NOTCH2: variants seen among roughly 807,000 people sequenced by gnomAD.
NOTCH2 encodes the protein notch receptor 2, also known as neurogenic locus notch homolog protein 2.
A neutral mutation model predicts 235.8 loss-of-function variants in NOTCH2; 29 were observed. The ratio of observed to expected loss-of-function variants is 0.12; its 90% CI spans 0.09 to 0.17. NOTCH2 has a LOEUF of 0.17. Among genes scored for constraint, NOTCH2 ranks in the 10% least tolerant of loss-of-function variants. NOTCH2 has a pLI of 1.00. For missense variants in NOTCH2, 2,285 were observed against 3,150.2 expected, an observed-to-expected ratio of 0.73 and a Z score of 6.57; for synonymous variants, 1,086 against 1,141.5, an observed-to-expected ratio of 0.95 and a Z score of 0.98.
intron 5 of NOTCH2, among the ~76,000 whole-genome samples, chr1:119,983,313 C>T (rs1553201882): frequency 6.6e-6 from 1 of 151,792 alleles, no homozygotes; most frequent in Non-Finnish European, 1.5e-5. Flanking sequence ...GCCACCACAC[C>T]CAGCTAATTT....
chr1:119,977,270 C>A (rs1304820334), intron 5 of NOTCH2, among the ~76,000 whole-genome samples: 2 of 152,062 alleles, frequency 1.3e-5, no homozygotes, highest in African/African-American at 2.4e-5. Context: ...TCTGTTCCTA[C>A]CCAAAGTGTC....
At position 119,930,976 on chromosome 1, in the gene NOTCH2, G is replaced by A. The variant is rs587610472; in HGVS notation, c.3656-1764C>T. On this transcript the variant is annotated intron_variant, in intron 22 of 33. Coordinates refer to ENST00000256646, the MANE Select transcript of NOTCH2 (RefSeq NM_024408.4). ...AAATTAGCCAGGCATGGTGGCGGGCGCTTGTAGTCCCAGCTACTCGGGAGG... is the reference window on the plus strand; with the variant it reads ...AAATTAGCCAGGCATGGTGGCGGGCACTTGTAGTCCCAGCTACTCGGGAGG... Among the ~76,000 whole-genome samples the A allele has an allele frequency of 9.9e-5, 15 of 150,784 alleles. 1 individual carries two copies. The highest frequency in any genetic ancestry group is 2.2e-4 in the African/African-American group (9 of 41,040).
chr1:119,920,104 G>T, intron 30 of NOTCH2, 125 bp downstream of exon 30: 1 of 1,009,872 alleles, frequency 9.9e-7, no homozygotes, highest in Non-Finnish European at 1.5e-6. Flanking sequence ...TCATTTCCTC[G>T]AGCTGATTTA....
chr1:120,066,158 T>C (rs4659278), intron 1 of NOTCH2, among the ~76,000 whole-genome samples: 58 of 152,332 alleles, frequency 3.8e-4, no homozygotes, highest in Middle Eastern at 6.8e-3. Flanking sequence ...ATTCTATATC[T>C]CTTACGTTAG....
chr1:120,046,085 A>G (rs1399792881), intron 1 of NOTCH2, among the ~76,000 whole-genome samples: 2 of 149,182 alleles, frequency 1.3e-5, no homozygotes, highest in Non-Finnish European at 1.5e-5. Context: ...TGGGGTATAC[A>G]TTTTTTAAGG....
chr1:120,038,777 A>G (rs587692389), intron 1 of NOTCH2, among the ~76,000 whole-genome samples: 11 of 149,290 alleles, frequency 7.4e-5, no homozygotes, highest in African/African-American at 2.8e-4. Context: ...GCCTTTAACA[A>G]GGATGAAAAG....
At chr1:119,967,705 T>C (rs1332313168) in intron 7 of NOTCH2, 84 bp from the exon 8 acceptor site, 10 of 1,165,930 alleles carry the variant, frequency 8.6e-6, no homozygotes, top group East Asian at 7.0e-5. Context: ...CTGATGGTTA[T>C]AGCATCAGGG....
At position 119,968,066 on chromosome 1, in the gene NOTCH2, T is replaced by C; in HGVS notation, c.1264+11A>G. On this transcript the variant is annotated intron_variant, in intron 7 of 33. Coordinates refer to ENST00000256646, the MANE Select transcript of NOTCH2 (RefSeq NM_024408.4). ...ACACTTCACAGAACAGAAAAAGTTC[T>C]GCTTACTCACCCATGGCACATTCAT... is the stretch of plus-strand genomic sequence containing the variant. 1.9e-6 allele frequency: 3 copies of C among 1,614,028 alleles called. No individual in the cohort carries two copies. The South Asian group carries it at 3.3e-5, about 18-fold the overall frequency.
In NOTCH2 at chr1:119,925,681, C is replaced by T. The variant is rs143784183; in HGVS notation, c.4135G>A (p.Ala1379Thr). ...CCCCCGTGCTGGCAGGGGCTACTGG[C>T]ACAGCCTGACTCGCAGTCCCGGGGA... ...PSPRDCESGC[A>T]SSPCQHGGSC... Residue 1379 changes from alanine to threonine, a missense_variant, in exon 25 of 34, where the codon GCC becomes ACC. By Grantham distance (58) the Ala-to-Thr change is moderately conservative (BLOSUM62 0). Around this residue, in one of 6 missense-constraint regions of NOTCH2, gnomAD observed 1,173 missense variants for 1,515.3 expected, o/e 0.77. Coordinates refer to ENST00000256646, the MANE Select transcript of NOTCH2 (RefSeq NM_024408.4). 2.5e-6 allele frequency: 4 copies of T among 1,612,222 alleles called. No individual in the cohort carries two copies. Among genetic ancestry groups the T allele is most frequent in the Non-Finnish European group, 3.4e-6 (4 of 1,178,722 alleles).
chr1:119,953,944 TTCTACAATA>T (rs1316647042), intron 13 of NOTCH2, among the ~76,000 whole-genome samples: 1 of 152,180 alleles, frequency 6.6e-6, no homozygotes, highest in Non-Finnish European at 1.5e-5. Flanking sequence ...AAACAATGGT[TTCTACAATA>T]TATTGGGCCA....
In NOTCH2 at chr1:119,953,382, T is replaced by C. The variant is rs373150438; in HGVS notation, c.2365+161A>G. Among the ~76,000 whole-genome samples the C allele has an allele frequency of 1.2e-3, 177 of 152,324 alleles. 2 individuals are homozygous for C. Among genetic ancestry groups the C allele is most frequent in the African/African-American group, 4.2e-3 (173 of 41,578 alleles). On this transcript the variant is annotated intron_variant, in intron 14 of 33. Coordinates refer to ENST00000256646, the MANE Select transcript of NOTCH2 (RefSeq NM_024408.4). ...AGGCTGAAGGTAGAAATTGTATCTA[T>C]TCATGTTTTTATTCCCCAAGTGCCT... is the stretch of plus-strand genomic sequence containing the variant.
chr1:119,948,911 T>C (rs1650358546), intron 16 of NOTCH2, 96 bp downstream of exon 16: 3 of 1,492,246 alleles, frequency 2.0e-6, no homozygotes, highest in Admixed American at 1.7e-5. Flanking sequence ...ACAGGCCTCA[T>C]AAGACCAGCA....
intron 22 of NOTCH2, chr1:119,935,256 A>C (rs1178018908): frequency 1.4e-6 from 2 of 1,461,970 alleles, no homozygotes; most frequent in African/African-American, 2.8e-5. Context: ...TCAAGATGCC[A>C]AACAACCAGA....
At chr1:119,963,189 A>AGGAAGGAAGGAC (rs1248773418) in intron 11 of NOTCH2, among the ~76,000 whole-genome samples, 1 of 151,360 alleles carries the variant, frequency 6.6e-6, no homozygotes, top group Non-Finnish European at 1.5e-5. Context: ...GTAGGAAGGA[A>AGGAAGGAAGGAC]GGAAGGAAGG....
At position 119,967,512 on chromosome 1, in the gene NOTCH2, A is replaced by G; in HGVS notation, c.1374T>C (p.Asn458=). 6.2e-7 allele frequency: 1 copy of G among 1,614,132 alleles called. No homozygotes were observed. The change falls in exon 8 of 34, where the codon AAT becomes AAC. Residue 458 remains asparagine, a synonymous_variant. Coordinates refer to ENST00000256646, the MANE Select transcript of NOTCH2 (RefSeq NM_024408.4). ...YAGPRCEMDI[N]ECHSDPCQND... ...TCTGGCAGGGGTCTGAATGGCACTCATTGATGTCCATCTCACAACGAGGTC... is the reference window on the plus strand; with the variant it reads ...TCTGGCAGGGGTCTGAATGGCACTCGTTGATGTCCATCTCACAACGAGGTC...
At chr1:119,961,885 C>T (rs1553199008) in intron 11 of NOTCH2, among the ~76,000 whole-genome samples, 1 of 152,192 alleles carries the variant, frequency 6.6e-6, no homozygotes, top group Non-Finnish European at 1.5e-5. Context: ...ATAAGTGGAA[C>T]AGGAATTCTT....
intron 22 of NOTCH2, among the ~76,000 whole-genome samples, chr1:119,931,212 T>C (rs1471911029): frequency 1.3e-5 from 2 of 150,914 alleles, no homozygotes; most frequent in Non-Finnish European, 3.0e-5. Flanking sequence ...AAATGTAAAG[T>C]AAGGCCCAAT....
intron 26 of NOTCH2, among the ~76,000 whole-genome samples, chr1:119,923,072 C>T (rs977642376): frequency 5.3e-5 from 8 of 152,304 alleles, no homozygotes; most frequent in African/African-American, 1.2e-4. Context: ...GCTTTCCTCC[C>T]GAAGGTTTCA....
rs1553198755 is a variant in NOTCH2, at chr1:119,959,389, T to C, written c.2026+3A>G. 6.5e-7 allele frequency: 1 copy of C among 1,549,046 alleles called. No homozygotes were observed. Among genetic ancestry groups the C allele is most frequent in the Non-Finnish European group, 8.9e-7 (1 of 1,120,642 alleles). ...AGGGGCCTTGCAGTAAAAGGAGCTTTACCTGTGAATCCTGGTGAGCAGACA... is the reference window on the plus strand; with the variant it reads ...AGGGGCCTTGCAGTAAAAGGAGCTTCACCTGTGAATCCTGGTGAGCAGACA... On this transcript the variant is annotated splice_donor_region_variant and intron_variant, in intron 12 of 33. Coordinates refer to ENST00000256646, the MANE Select transcript of NOTCH2 (RefSeq NM_024408.4).
Sources: gnomAD v4.1 joint callset for allele counts (sites outside exome capture counted in the v4.1 genomes callset) on GRCh38, gnomAD v4.1.1 for gene constraint, gnomAD v4.1.1 regional missense constraint, MANE v1.5 for transcripts, NCBI Gene and HGNC (gene_info 2026-07-23, HGNC 2026-07-21) for gene names.